Variants in ELMO1 observed in about 807,000 individuals in gnomAD.
ELMO1 encodes engulfment and cell motility 1, also known as engulfment and cell motility protein 1.
ELMO1 carries 26 observed loss-of-function variants against 98.9 expected under a neutral mutation model. The observed-to-expected ratio is 0.26, with a 90% confidence interval of 0.19 to 0.36. The LOEUF (loss-of-function observed/expected upper bound fraction) is 0.36, where lower values mean the gene tolerates loss of function less well. Ranked by LOEUF, ELMO1 falls within the 10% of genes least tolerant of loss-of-function variation. ELMO1 has a pLI of 1.00. For missense variants in ELMO1, 627 were observed against 935.2 expected (o/e 0.67, Z 4.30); for synonymous variants, 346 against 346.0 (o/e 1.00, Z 0.00).
At chr7:37,054,397 G>T (rs186012044) in intron 15 of ELMO1, among the ~76,000 whole-genome samples, 57 of 152,210 alleles carry the variant, frequency 3.7e-4, no homozygotes, top group Admixed American at 1.5e-3. Flanking sequence ...ATAAGACATG[G>T]CCTGTATTTT....
At chr7:37,085,976 G>T (rs927456282) in intron 15 of ELMO1, among the ~76,000 whole-genome samples, 2 of 152,236 alleles carry the variant, frequency 1.3e-5, no homozygotes, top group Non-Finnish European at 2.9e-5. Context: ...GAAGGTGGAT[G>T]TAAGTTTCAT....
intron 15 of ELMO1, among the ~76,000 whole-genome samples, chr7:37,062,951 T>A (rs1227217653): frequency 6.6e-6 from 1 of 152,058 alleles, no homozygotes; most frequent in Non-Finnish European, 1.5e-5. Context: ...GACAGCCCAA[T>A]AAGTGGGAGC....
intron 1 of ELMO1, among the ~76,000 whole-genome samples, chr7:37,361,621 T>C (rs1161596281): frequency 6.6e-6 from 1 of 152,208 alleles, no homozygotes; most frequent in Non-Finnish European, 1.5e-5. Flanking sequence ...CAACATACTA[T>C]ATGATTCCAT....
At chr7:37,384,043 C>T (rs1412427486) in intron 1 of ELMO1, among the ~76,000 whole-genome samples, 3 of 152,186 alleles carry the variant, frequency 2.0e-5, no homozygotes, top group Admixed American at 6.5e-5. Context: ...TCTCGATCTC[C>T]TGACCTCGTG....
intron 16 of ELMO1, among the ~76,000 whole-genome samples, chr7:36,999,526 G>A (rs1046446621): frequency 3.9e-5 from 6 of 152,198 alleles, no homozygotes; most frequent in Non-Finnish European, 7.3e-5. Context: ...CAGGGCCAAT[G>A]CTCCTGACTT....
chr7:36,937,687 T>C (rs557341798), intron 16 of ELMO1, among the ~76,000 whole-genome samples: 2 of 152,360 alleles, frequency 1.3e-5, no homozygotes, highest in Non-Finnish European at 2.9e-5. Flanking sequence ...ATGTCCTCTA[T>C]TGACAATAGT....
chr7:37,248,262 T>C (rs1164539988), intron 6 of ELMO1, among the ~76,000 whole-genome samples: 3 of 151,926 alleles, frequency 2.0e-5, no homozygotes, highest in Non-Finnish European at 4.4e-5. Flanking sequence ...AGAAGAGAAA[T>C]TACTCTGGAA....
intron 18 of ELMO1, among the ~76,000 whole-genome samples, chr7:36,880,299 C>T (rs569213327): frequency 1.4e-4 from 22 of 152,182 alleles, no homozygotes; most frequent in Admixed American, 5.9e-4. Flanking sequence ...GGTAAGTAAA[C>T]TCTAGGGGTC....
chr7:36,888,536 G>A (rs2129051582), intron 17 of ELMO1, among the ~76,000 whole-genome samples: 1 of 152,292 alleles, frequency 6.6e-6, no homozygotes, highest in Admixed American at 6.5e-5. Flanking sequence ...TTCAGTCTAG[G>A]CTCTGCTCAC....
At position 37,188,435 on chromosome 7, in the gene ELMO1, CACACACACACACACACGCAA is replaced by C. The variant is rs1160835357; in HGVS notation, c.1086+22931_1086+22950del. On this transcript the variant is annotated intron_variant, in intron 13 of 21. Coordinates refer to ENST00000310758, the MANE Select transcript of ELMO1 (RefSeq NM_014800.11). Reference sequence around the variant, plus strand: ...ACACACACACACACACACACACACACACACACACACACACACGCAAACACACACACACACAGGCCACTGGA... The same window carrying C: ...ACACACACACACACACACACACACACACACACACACACACAGGCCACTGGA... Among the ~76,000 whole-genome samples, 274 of 37,642 alleles carry C rather than the reference CACACACACACACACACGCAA, an allele frequency of 7.3e-3. 1 individual carries two copies. Among genetic ancestry groups the C allele is most frequent in the African/African-American group, 0.022 (119 of 5,430 alleles). 24.7% of individuals were successfully genotyped at this position (37,642 alleles called of 152,430 possible).
chr7:36,872,598 C>A (rs540454447), intron 19 of ELMO1, among the ~76,000 whole-genome samples: 1 of 152,282 alleles, frequency 6.6e-6, no homozygotes, highest in African/African-American at 2.4e-5. Context: ...CCTGAACCTA[C>A]CTTTGACCAT....
chr7:37,344,008 C>T (rs907779049), intron 1 of ELMO1, among the ~76,000 whole-genome samples: 12 of 150,202 alleles, frequency 8.0e-5, no homozygotes, highest in Admixed American at 7.3e-4. Context: ...ATTACATTTG[C>T]CACTTTCTTT....
intron 6 of ELMO1, among the ~76,000 whole-genome samples, chr7:37,257,789 C>T (rs1259175630): frequency 6.7e-6 from 1 of 149,912 alleles, no homozygotes; most frequent in Non-Finnish European, 1.5e-5. Flanking sequence ...ATCACGAGGT[C>T]AAGAGATCGA....
chr7:37,140,775 G>GAA (rs140163188), intron 13 of ELMO1, among the ~76,000 whole-genome samples: 4 of 152,036 alleles, frequency 2.6e-5, no homozygotes, highest in Non-Finnish European at 5.9e-5. Flanking sequence ...CAAGCATACG[G>GAA]AAAAAATGCT....
chr7:37,322,224 T>G (rs1799555622), intron 2 of ELMO1, among the ~76,000 whole-genome samples: 1 of 151,994 alleles, frequency 6.6e-6, no homozygotes, highest in African/African-American at 2.4e-5. Context: ...ATGCCTGTTA[T>G]CCCAGCACTT....
At chr7:37,120,455 C>A in intron 14 of ELMO1, among the ~76,000 whole-genome samples, 1 of 152,230 alleles carries the variant, frequency 6.6e-6, no homozygotes. Flanking sequence ...ACGGTTTTAG[C>A]AAACGGCACA....
In ELMO1 at chr7:37,057,665, C is replaced by T. The variant is rs189064389; in HGVS notation, c.1300+38954G>A. Among the ~76,000 whole-genome samples, 44 of 152,302 alleles carry T rather than the reference C, an allele frequency of 2.9e-4. No individual in the cohort carries two copies. In the East Asian group the frequency reaches 8.1e-3, roughly 28 times the overall value. ...ATTAGTAGAGGAGAAGCTAGTTTGT[C>T]CTTTTCAACGCAGATGTGTGCATGT... On this transcript the variant is annotated intron_variant, in intron 15 of 21. Transcript: ENST00000310758.
chr7:37,335,678 C>T lies in ELMO1; in HGVS notation c.78+6935G>A, dbSNP rs374175785. 9.9e-5 allele frequency among the ~76,000 whole-genome samples: 15 copies of T among 152,276 alleles called. No individual in the cohort carries two copies. The South Asian group carries it at 3.1e-3, about 32-fold the overall frequency. The stretch of plus-strand genomic sequence containing the variant: ...TGAGCGAGGGGTGCCCGGAAGCCCT[C>T]GGCAGCCACCCCTCTGCCCCAAGCC... On this transcript the variant is annotated intron_variant, in intron 2 of 21. Coordinates refer to ENST00000310758, the MANE Select transcript of ELMO1 (RefSeq NM_014800.11).
chr7:37,032,511 C>CTG (rs1000608750), intron 15 of ELMO1, among the ~76,000 whole-genome samples: 1 of 152,228 alleles, frequency 6.6e-6, no homozygotes, highest in Non-Finnish European at 1.5e-5. Context: ...CTCTGCAGGG[C>CTG]TGGCACCCAA....
Sources: gnomAD v4.1 joint callset for allele counts (sites outside exome capture counted in the v4.1 genomes callset) on GRCh38, gnomAD v4.1.1 for gene constraint, MANE v1.5 for transcripts, NCBI Gene and HGNC (gene_info 2026-07-23, HGNC 2026-07-21) for gene names.